The following DNAH3 variants were observed in gnomAD, a reference collection of about 807,000 sequenced individuals.
DNAH3 encodes the protein axonemal beta dynein heavy chain 3.
Under a neutral mutation model 432.5 loss-of-function variants are expected in DNAH3, and 332 were observed. The ratio of observed to expected loss-of-function variants is 0.77; its 90% CI spans 0.70 to 0.84. DNAH3 has a LOEUF of 0.84. DNAH3 is among the 40% of genes least tolerant of loss of function. DNAH3 has a pLI of 0.00. For missense variants in DNAH3, 4,861 were observed against 5,114.0 expected (o/e 0.95, Z 1.51); for synonymous variants, 1,956 against 1,900.2 (o/e 1.03, Z -0.76).
At chr16:21,040,004 A>G in intron 32 of DNAH3, 61 bp from the exon 33 acceptor site, 1 of 1,362,290 alleles carries the variant, frequency 7.3e-7, no homozygotes, top group Admixed American at 1.8e-5. Flanking sequence ...GGGAACGCAC[A>G]TTCACAGAAG....
At chr16:21,084,687 G>A (rs903895454) in intron 19 of DNAH3, among the ~76,000 whole-genome samples, 1 of 151,958 alleles carries the variant, frequency 6.6e-6, no homozygotes, top group African/African-American at 2.4e-5. Context: ...TGCCCAGGTT[G>A]GCCTCAAGCT....
intron 38 of DNAH3, among the ~76,000 whole-genome samples, chr16:21,025,721 TTTG>T (rs553060469): frequency 4.6e-5 from 7 of 151,632 alleles, no homozygotes; most frequent in East Asian, 3.9e-4. Context: ...AATTCACTCT[TTTG>T]TTGTTGTTGT....
rs373364006 is a variant in DNAH3, at chr16:21,091,614, G to A, written c.2666-4554C>T. 2.1e-4 allele frequency among the ~76,000 whole-genome samples: 32 copies of A among 152,128 alleles called. No individual in the cohort carries two copies. In the East Asian group the frequency reaches 5.8e-3, roughly 28 times the overall value. On this transcript the variant is annotated intron_variant, in intron 18 of 61. Transcript: ENST00000261383. ...AGGTGGATCACGAGGTCAGGAGTTC[G>A]AGACCAGCCTGACCAACATGGTGAA...
chr16:21,074,199 AG>A (rs2090895233), intron 21 of DNAH3, among the ~76,000 whole-genome samples: 1 of 152,178 alleles, frequency 6.6e-6, no homozygotes, highest in Admixed American at 6.5e-5. Context: ...TAAACTGAAT[AG>A]GGAAAGAAGT....
intron 55 of DNAH3, among the ~76,000 whole-genome samples, chr16:20,952,987 T>C (rs945787263): frequency 2.6e-5 from 4 of 152,096 alleles, no homozygotes; most frequent in Admixed American, 2.6e-4. Flanking sequence ...CTTAAAGAAA[T>C]GACCACTCGT....
intron 37 of DNAH3, among the ~76,000 whole-genome samples, chr16:21,028,804 G>GA (rs1056883008): frequency 1.9e-4 from 29 of 152,292 alleles, no homozygotes; most frequent in African/African-American, 6.7e-4. Flanking sequence ...ATTCCAGTGA[G>GA]ATGTTTAAGT....
chr16:21,097,879 T>C (rs770781141), intron 17 of DNAH3, among the ~76,000 whole-genome samples: 8 of 152,226 alleles, frequency 5.3e-5, no homozygotes, highest in Admixed American at 1.3e-4. Context: ...AAGAACTTAC[T>C]AGCTGATCTT....
intron 5 of DNAH3, among the ~76,000 whole-genome samples, chr16:21,139,776 C>T (rs1254613841): frequency 2.0e-4 from 17 of 86,194 alleles, no homozygotes; most frequent in East Asian, 4.0e-4. Flanking sequence ...CCACCTCATT[C>T]TTTTTTTTTT....
chr16:21,152,292 G>C (rs532673614), intron 1 of DNAH3, among the ~76,000 whole-genome samples: 1 of 152,266 alleles, frequency 6.6e-6, no homozygotes, highest in African/African-American at 2.4e-5. Context: ...AAGTCGACTT[G>C]ACTCATAAGT....
intron 18 of DNAH3, among the ~76,000 whole-genome samples, chr16:21,090,215 T>C (rs374146112): frequency 6.6e-6 from 1 of 151,770 alleles, no homozygotes; most frequent in East Asian, 1.9e-4. Context: ...AACTTCAGAA[T>C]CAGATGGTTT....
At chr16:21,056,449 CCTTCCCATA>C (rs1379495857) in intron 27 of DNAH3, among the ~76,000 whole-genome samples, 1 of 150,166 alleles carries the variant, frequency 6.7e-6, no homozygotes, top group African/African-American at 2.5e-5. Flanking sequence ...TGCCTCCCTC[CCTTCCCATA>C]CTTACTGGAT....
intron 43 of DNAH3, among the ~76,000 whole-genome samples, chr16:20,997,820 G>A (rs1416359567): frequency 3.7e-5 from 5 of 134,216 alleles, no homozygotes; most frequent in Non-Finnish European, 7.7e-5. Context: ...GCAACATGGC[G>A]AAACCCTGTC....
intron 31 of DNAH3, among the ~76,000 whole-genome samples, chr16:21,046,772 G>A (rs1011173401): frequency 7.2e-5 from 11 of 152,026 alleles, no homozygotes; most frequent in Admixed American, 1.3e-4. Flanking sequence ...TCCTAGTCTC[G>A]ATGGTCTTTA....
intron 54 of DNAH3, 119 bp downstream of exon 54, chr16:20,959,060 G>T: frequency 9.6e-7 from 1 of 1,045,018 alleles, no homozygotes. Context: ...GAGCCACCCT[G>T]CCTGGCCTAG....
At chr16:21,115,225 C>T (rs1313034121) in intron 12 of DNAH3, among the ~76,000 whole-genome samples, 1 of 151,880 alleles carries the variant, frequency 6.6e-6, no homozygotes, top group Admixed American at 6.6e-5. Flanking sequence ...GGGAACATCA[C>T]ACACCGGGGC....
chr16:21,031,318 G>C (rs1460543792), intron 36 of DNAH3, 32 bp from the exon 37 acceptor site: 2 of 1,612,030 alleles, frequency 1.2e-6, no homozygotes, highest in South Asian at 2.2e-5. Flanking sequence ...CAGTTATAAA[G>C]GCTCTGGTGA....
chr16:21,062,635 T>C, exon 25 of DNAH3: 1 of 1,614,118 alleles, frequency 6.2e-7, no homozygotes, highest in South Asian at 1.1e-5. Context: ...GAGGGTCCTT[T>C]GTCTCGGACA....
exon 54 of DNAH3, chr16:20,959,296 A>G: frequency 6.2e-7 from 1 of 1,614,156 alleles, no homozygotes; most frequent in Middle Eastern, 1.6e-4. Flanking sequence ...CCCGTCTTTG[A>G]TGGCATTGTT....
intron 36 of DNAH3, among the ~76,000 whole-genome samples, chr16:21,031,657 G>A (rs964800501): frequency 2.0e-4 from 30 of 151,590 alleles, no homozygotes; most frequent in African/African-American, 7.3e-4. Context: ...TTACATTATT[G>A]GGTTATTATA....
Sources: gnomAD v4.1 joint callset for allele counts (sites outside exome capture counted in the v4.1 genomes callset) on GRCh38, gnomAD v4.1.1 for gene constraint, MANE v1.5 for transcripts, NCBI Gene and HGNC (gene_info 2026-07-23, HGNC 2026-07-21) for gene names.